Variants in FBXO45 observed in about 807,000 individuals in gnomAD.
The protein encoded by FBXO45 is F-box protein 45.
In FBXO45, 3 loss-of-function variants were observed where a neutral mutation model predicts 25.5. The ratio of observed to expected loss-of-function variants is 0.12; its 90% CI spans 0.05 to 0.30. FBXO45 has a LOEUF of 0.30. Among genes scored for constraint, FBXO45 ranks in the 10% least tolerant of loss-of-function variants. FBXO45 has a pLI of 1.00. For synonymous variants in FBXO45, 155 were observed against 149.8 expected (o/e 1.03, Z -0.25); for missense variants, 219 against 365.0 (o/e 0.60, Z 3.26).
chr3:196,584,151 G>A lies in FBXO45; in HGVS notation c.694G>A (p.Val232Ile). 2 of 1,613,682 alleles carry A rather than the reference G, an allele frequency of 1.2e-6. No homozygotes were observed. The highest frequency in any genetic ancestry group is 1.7e-6 in the Non-Finnish European group (2 of 1,179,822). The stretch of plus-strand genomic sequence containing the variant: ...TTTGCAGATAGGAGAAAGAATTCGA[G>A]TCATCTTGGACATGGAAGATAAGAC... ...PKYQIGERIR[V>I]ILDMEDKTLA... The change falls in exon 3 of 3, where the codon GTC becomes ATC. Residue 232 changes from valine to isoleucine, a missense_variant. Val to Ile is a conservative substitution (Grantham distance 29). Transcript: ENST00000311630. This position sits in a 1 kb window ranked among gnomAD's most constrained non-coding sequence, Gnocchi z 4.3.
chr3:196,569,281 C>T lies in FBXO45; in HGVS notation c.297C>T (p.Asn99=). ...EEALRTDILC[N]LPSYKAKIRA... ...CTCTGCGCACGGACATCCTGTGCAA[C>T]CTGCCCAGCTACAAGGCCAAGGTGA... Residue 99 remains asparagine (N), a synonymous_variant, in exon 1 of 3, where the codon AAC becomes AAT. Coordinates refer to ENST00000311630, the MANE Select transcript of FBXO45 (RefSeq NM_001105573.2). The surrounding 1 kb of genome is among the most constrained non-coding windows in gnomAD (Gnocchi z 4.1). 1.3e-6 allele frequency: 2 copies of T among 1,574,480 alleles called. No homozygotes were observed. Among genetic ancestry groups the T allele is most frequent in the Non-Finnish European group, 8.6e-7 (1 of 1,158,848 alleles).
chr3:196,582,602 CTA>C (rs1736031740), intron 2 of FBXO45, among the ~76,000 whole-genome samples: 1 of 150,050 alleles, frequency 6.7e-6, no homozygotes, highest in Non-Finnish European at 1.5e-5. Context: ...TAAAGGCAAA[CTA>C]AAAAGATGAA....
intron 2 of FBXO45, among the ~76,000 whole-genome samples, chr3:196,580,790 G>A (rs1250126146): frequency 7.1e-6 from 1 of 141,204 alleles, no homozygotes. Flanking sequence ...TTTTTTTTTT[G>A]AGATAGGGTC....
rs565929633 is a variant in FBXO45 at position 196,583,438 on chromosome 3, G to A, written c.676-695G>A. On this transcript the variant is annotated intron_variant, in intron 2 of 2. Transcript: ENST00000311630. ...GGAGAATGGCATGAACCCGGGAGGC[G>A]GAGCTTGCAGTGAGCTGAGATTGCA... Among the ~76,000 whole-genome samples, 81 of 151,548 alleles carry A rather than the reference G, an allele frequency of 5.3e-4. No individual in the cohort carries two copies. The East Asian group carries it at 0.015, about 28-fold the overall frequency.
At chr3:196,574,142 C>T (rs995807200) in intron 1 of FBXO45, among the ~76,000 whole-genome samples, 2 of 151,996 alleles carry the variant, frequency 1.3e-5, no homozygotes, top group African/African-American at 4.8e-5. Context: ...ACCATGTTGG[C>T]CAGGACGGTC....
chr3:196,579,704 A>G (rs936222280), intron 2 of FBXO45, among the ~76,000 whole-genome samples: 8 of 151,914 alleles, frequency 5.3e-5, no homozygotes, highest in Non-Finnish European at 1.5e-5. Flanking sequence ...ATTTTTTTCT[A>G]CCCTTCTATT....
In FBXO45 at chr3:196,586,075, T is replaced by A. The variant is rs145208431; in HGVS notation, c.*1757T>A. 6.6e-6 allele frequency: 1 copy of A among 152,300 alleles called. No homozygotes were observed. The highest frequency in any genetic ancestry group is 1.9e-4 in the East Asian group (1 of 5,190). The allele number at this position is 152,300 out of a possible 1,614,324, so 9.4% of individuals were successfully genotyped here. ...TAAGAAGAAACCTCCTTGTATTGAGTGAAATTATATGTTAAATGTATTAGA... is the reference window on the plus strand; with the variant it reads ...TAAGAAGAAACCTCCTTGTATTGAGAGAAATTATATGTTAAATGTATTAGA... On this transcript the variant is annotated 3_prime_UTR_variant, in exon 3 of 3. Transcript: ENST00000311630.
chr3:196,573,889 A>G (rs55935991), intron 1 of FBXO45, among the ~76,000 whole-genome samples: 27 of 151,382 alleles, frequency 1.8e-4, no homozygotes, highest in Non-Finnish European at 3.2e-4. Context: ...GTGCATGGGA[A>G]TGTGAGGCTA....
intron 2 of FBXO45, among the ~76,000 whole-genome samples, chr3:196,581,085 C>T (rs975971087): frequency 1.3e-5 from 2 of 152,162 alleles, no homozygotes; most frequent in African/African-American, 4.8e-5. Context: ...TGGGCTTGAC[C>T]TAAATTAGAT....
intron 1 of FBXO45, among the ~76,000 whole-genome samples, chr3:196,571,731 T>C (rs762959967): frequency 5.3e-5 from 8 of 152,260 alleles, no homozygotes; most frequent in Admixed American, 1.3e-4. Flanking sequence ...GTCTTACTTT[T>C]TCTTTTGTAT....
Position 196,569,232 on chromosome 3 carries a change from G to T in FBXO45, c.248G>T (p.Cys83Phe). Reference protein sequence around the residue: ...DENSEVWRSLCARSLAEEALR... With the variant: ...DENSEVWRSLFARSLAEEALR... ...AACAGCGAGGTGTGGCGGAGCCTGT[G>T]CGCCCGCAGCCTGGCAGAAGAGGCT... Residue 83 changes from cysteine (C) to phenylalanine (F), a missense_variant, in exon 1 of 3, where the codon TGC becomes TTC. Around this residue, in one of 4 missense-constraint regions of FBXO45, gnomAD observed 138 missense variants for 157.3 expected, o/e 0.88. Transcript: ENST00000311630. The surrounding 1 kb of genome is among the most constrained non-coding windows in gnomAD (Gnocchi z 4.1). The T allele has an allele frequency of 6.3e-7, 1 of 1,581,784 alleles. No individual in the cohort carries two copies. The highest frequency in any genetic ancestry group is 8.6e-7 in the Non-Finnish European group (1 of 1,164,720).
intron 1 of FBXO45, among the ~76,000 whole-genome samples, chr3:196,570,526 C>G (rs1288251135): frequency 6.6e-6 from 1 of 151,064 alleles, no homozygotes; most frequent in Non-Finnish European, 1.5e-5. Flanking sequence ...CGTGAGCCAC[C>G]GCGCGATAAC....
At chr3:196,574,818 T>C (rs1016006827) in intron 1 of FBXO45, among the ~76,000 whole-genome samples, 1 of 152,162 alleles carries the variant, frequency 6.6e-6, no homozygotes, top group East Asian at 1.9e-4. Flanking sequence ...AGAGGTGATC[T>C]TAGAGAATGT....
chr3:196,570,998 A>C (rs1274654400), intron 1 of FBXO45, among the ~76,000 whole-genome samples: 1 of 151,744 alleles, frequency 6.6e-6, no homozygotes, highest in African/African-American at 2.4e-5. Flanking sequence ...GCGTGAGCTC[A>C]TGCGCCCGGC....
chr3:196,574,250 T>A (rs758111997), intron 1 of FBXO45, among the ~76,000 whole-genome samples: 1 of 152,136 alleles, frequency 6.6e-6, no homozygotes, highest in Admixed American at 6.6e-5. Context: ...CCATTTCATA[T>A]GAAGTTTCCA....
Position 196,568,905 on chromosome 3 carries a change from C to T in FBXO45, c.-80C>T. On this transcript the variant is annotated 5_prime_UTR_variant, in exon 1 of 3. Coordinates refer to ENST00000311630, the MANE Select transcript of FBXO45 (RefSeq NM_001105573.2). ...GCGGTGAGCGAGCCGCTCCGGTCTC[C>T]GGGCGAGGCTTGGCCTTCCGAGCAG... The T allele has an allele frequency of 2.1e-5, 20 of 963,132 alleles. No individual in the cohort carries two copies. The highest frequency in any genetic ancestry group is 2.3e-5 in the Non-Finnish European group (19 of 808,636). The allele number at this position is 963,132 out of a possible 1,614,324, so 59.7% of individuals were successfully genotyped here. A position where few individuals can be genotyped will look rare whatever the true frequency, so the allele number is the denominator to read the frequency against.
chr3:196,569,914 G>C lies in FBXO45; in HGVS notation c.318+612G>C, dbSNP rs1318360111. ...CGGGCACCACCTAACATACTGCTTTGTCCTGCTGTTATTGGCTGTTTCCTT... is the reference window on the plus strand; with the variant it reads ...CGGGCACCACCTAACATACTGCTTTCTCCTGCTGTTATTGGCTGTTTCCTT... On this transcript the variant is annotated intron_variant, in intron 1 of 2. Transcript: ENST00000311630. This position sits in a 1 kb window ranked among gnomAD's most constrained non-coding sequence, Gnocchi z 4.1. 6.6e-6 allele frequency among the ~76,000 whole-genome samples: 1 copy of C among 152,170 alleles called. No homozygotes were observed. Among genetic ancestry groups the C allele is most frequent in the Non-Finnish European group, 1.5e-5 (1 of 68,046 alleles).
Position 196,582,398 on chromosome 3 carries a change from T to A in FBXO45, c.676-1735T>A, listed in dbSNP as rs998717622. Among the ~76,000 whole-genome samples, 19 of 152,084 alleles carry A rather than the reference T, an allele frequency of 1.2e-4. 1 individual carries two copies. The highest frequency in any genetic ancestry group is 4.1e-4 in the African/African-American group (17 of 41,416). ...GATGATTTGGAGGTTCTTAGATCCA[T>A]AAAATGAGGTGTGGGTTAATCTGTG... On this transcript the variant is annotated intron_variant, in intron 2 of 2. Coordinates refer to ENST00000311630, the MANE Select transcript of FBXO45 (RefSeq NM_001105573.2).
intron 2 of FBXO45, among the ~76,000 whole-genome samples, chr3:196,578,938 C>T (rs969710070): frequency 6.6e-6 from 1 of 152,110 alleles, no homozygotes; most frequent in African/African-American, 2.4e-5. Context: ...TCCTGTATCA[C>T]GGCACATCCA....
Sources: allele counts gnomAD v4.1 joint callset (sites outside exome capture counted in the v4.1 genomes callset), GRCh38; gene constraint gnomAD v4.1.1; regional missense constraint gnomAD v4.1.1; non-coding constraint Gnocchi (gnomAD v3.1); transcripts MANE v1.5; gene names NCBI Gene and HGNC (gene_info 2026-07-23, HGNC 2026-07-21).